Variants in NTN1 observed in about 807,000 individuals in gnomAD.
NTN1 encodes the protein netrin-1.
Under a neutral mutation model 54.2 loss-of-function variants are expected in NTN1, and 11 were observed. That is an observed-to-expected ratio of 0.20 (90% CI 0.13 to 0.34). The LOEUF is 0.34. NTN1 is among the 10% of genes least tolerant of loss of function. The probability of loss-of-function intolerance (pLI) is 1.00; values close to 1 mark genes in which losing one functional copy is unlikely to be tolerated. For missense variants in NTN1, 740 were observed against 893.1 expected (o/e 0.83, Z 2.18); for synonymous variants, 371 against 382.0 (o/e 0.97, Z 0.33).
intron 2 of NTN1, among the ~76,000 whole-genome samples, chr17:9,033,038 C>T (rs1268230362): frequency 6.6e-6 from 1 of 151,038 alleles, no homozygotes; most frequent in African/African-American, 2.4e-5. Flanking sequence ...ACTGCAACCT[C>T]TGTTTCCTGG....
intron 5 of NTN1, among the ~76,000 whole-genome samples, chr17:9,208,414 G>A (rs1905022562): frequency 6.6e-6 from 1 of 152,178 alleles, no homozygotes; most frequent in Non-Finnish European, 1.5e-5. Context: ...TGTCCAGAGT[G>A]TATGTGCCAG....
At chr17:9,201,285 C>G (rs1904778763) in intron 5 of NTN1, among the ~76,000 whole-genome samples, 1 of 152,200 alleles carries the variant, frequency 6.6e-6, no homozygotes, top group Non-Finnish European at 1.5e-5. Flanking sequence ...GCAGAAATCT[C>G]TGTGCTCTCC....
In NTN1 at chr17:9,070,033, G is replaced by A. The variant is rs1039507152; in HGVS notation, c.1018+46642G>A. Among the ~76,000 whole-genome samples the A allele has an allele frequency of 2.6e-5, 4 of 152,296 alleles. No individual in the cohort carries two copies. In the South Asian group the frequency reaches 6.2e-4, roughly 24 times the overall value. ...GTGGCTGGGGATGGTCCTGGCTGGA[G>A]CACATACCCGCCTTCTTCTTCGTAG... On this transcript the variant is annotated intron_variant, in intron 2 of 6. Transcript: ENST00000173229.
At chr17:9,117,797 A>G (rs2092219284) in intron 2 of NTN1, among the ~76,000 whole-genome samples, 1 of 144,892 alleles carries the variant, frequency 6.9e-6, no homozygotes, top group Non-Finnish European at 1.5e-5. Context: ...ACAAGCTTCC[A>G]TGTGCACGGC....
intron 2 of NTN1, among the ~76,000 whole-genome samples, chr17:9,126,664 A>G (rs1206997427): frequency 6.6e-6 from 1 of 152,028 alleles, no homozygotes; most frequent in Non-Finnish European, 1.5e-5. Context: ...AAGGTTCTGG[A>G]AAAATTAGGG....
the NTN1 span, among the ~76,000 whole-genome samples, chr17:9,014,118 G>C: frequency 1.3e-5 from 2 of 152,150 alleles, no homozygotes; most frequent in Admixed American, 6.5e-5. Context: ...GATAAACGAC[G>C]TTGGGGAAAT....
intron 3 of NTN1, chr17:9,174,763 C>G (rs778819584): frequency 2.6e-5 from 4 of 152,338 alleles, no homozygotes; most frequent in Non-Finnish European, 4.4e-5. Context: ...ATTAGAGTTT[C>G]CGCATCAGCA....
intron 2 of NTN1, among the ~76,000 whole-genome samples, chr17:9,105,728 C>T (rs1408742976): frequency 1.3e-4 from 19 of 151,912 alleles, no homozygotes; most frequent in Admixed American, 1.1e-3. Context: ...CTTGACCTCA[C>T]GCAGTTGGTA....
At chr17:9,189,564 C>T (rs1904395094) in intron 5 of NTN1, among the ~76,000 whole-genome samples, 3 of 152,040 alleles carry the variant, frequency 2.0e-5, no homozygotes, top group Admixed American at 1.3e-4. Flanking sequence ...GTTGGCCAGG[C>T]TGGTCTCGAA....
intron 5 of NTN1, chr17:9,183,571 C>T (rs1357426544): frequency 1.7e-5 from 5 of 298,528 alleles, no homozygotes; most frequent in East Asian, 1.2e-4. Flanking sequence ...TCATAAATAT[C>T]GTTCATGCTG....
In NTN1 at chr17:9,242,954, A is replaced by C. The variant is rs191516898; in HGVS notation, c.*2986A>C. On this transcript the variant is annotated 3_prime_UTR_variant, in exon 7 of 7. Transcript: ENST00000173229. The stretch of plus-strand genomic sequence containing the variant: ...ACGGAACTAGATTTTGATTTTGAAG[A>C]GTGTATTAACCAGAATTGTGCTATG... 5.3e-5 allele frequency: 8 copies of C among 152,284 alleles called. No individual in the cohort carries two copies. The highest frequency in any genetic ancestry group is 1.9e-4 in the African/African-American group (8 of 41,530). The allele number at this position is 152,284 out of a possible 1,614,324, so 9.4% of individuals were successfully genotyped here.
At position 9,162,885 on chromosome 17, in the gene NTN1, G is replaced by A; in HGVS notation, c.1091G>A (p.Ser364Asn). 7 of 1,614,098 alleles carry A rather than the reference G, an allele frequency of 4.3e-6. No individual in the cohort carries two copies. The highest frequency in any genetic ancestry group is 5.9e-6 in the Non-Finnish European group (7 of 1,180,012). The stretch of plus-strand genomic sequence containing the variant: ...CTCTACAAGCTTTCGGGGCGCAAGA[G>A]CGGAGGTGTCTGCCTCAACTGTCGC... The part of the protein sequence containing the change: ...MELYKLSGRK[S>N]GGVCLNCRHN... The change falls in exon 3 of 7, where the codon AGC (serine) becomes AAC (asparagine). Residue 364 changes from serine (S) to asparagine (N), a missense_variant. Physicochemically the swap from Ser to Asn is conservative, Grantham distance 46. Coordinates refer to ENST00000173229, the MANE Select transcript of NTN1 (RefSeq NM_004822.3).
intron 2 of NTN1, among the ~76,000 whole-genome samples, chr17:9,152,756 C>T (rs751968523): frequency 1.3e-5 from 2 of 152,174 alleles, no homozygotes; most frequent in Non-Finnish European, 2.9e-5. Context: ...CTTTTAGGGC[C>T]AGAAAATAAC....
At position 9,152,864 on chromosome 17, in the gene NTN1, G is replaced by A. The variant is rs144139212; in HGVS notation, c.1019-9949G>A. Among the ~76,000 whole-genome samples, 1,003 of 152,296 alleles carry A rather than the reference G, an allele frequency of 6.6e-3. 26 individuals are homozygous for A. The highest frequency in any genetic ancestry group is 0.044 in the Admixed American group (674 of 15,298). On this transcript the variant is annotated intron_variant, in intron 2 of 6. Coordinates refer to ENST00000173229, the MANE Select transcript of NTN1 (RefSeq NM_004822.3). ...TCCAGGTCACACACCTGGGGGAGTC[G>A]CGGAGCCGGAGCTAGAGTCCAGGCT...
rs558679892 is a variant in NTN1, at chr17:9,216,978, GT to G, written c.1412-4188del. Among the ~76,000 whole-genome samples the G allele has an allele frequency of 3.4e-3, 523 of 151,816 alleles. 3 individuals are homozygous for G. Among genetic ancestry groups the G allele is most frequent in the South Asian group, 8.3e-3 (40 of 4,800 alleles). On this transcript the variant is annotated intron_variant, in intron 5 of 6. Coordinates refer to ENST00000173229, the MANE Select transcript of NTN1 (RefSeq NM_004822.3). Reference sequence around the variant, plus strand: ...AATCGCTTGAACCCAGGAAGCGAAGGTTGCAGTGAGCCGAGATCATGCCATT... The same window carrying G: ...AATCGCTTGAACCCAGGAAGCGAAGGTGCAGTGAGCCGAGATCATGCCATT...
chr17:9,022,955 C>G lies in NTN1; in HGVS notation c.582C>G (p.Thr194=). 6.2e-7 allele frequency: 1 copy of G among 1,611,574 alleles called. No individual in the cohort carries two copies. Among genetic ancestry groups the G allele is most frequent in the Non-Finnish European group, 8.5e-7 (1 of 1,179,638 alleles). The part of the protein sequence containing the change: ...MYNRPHRAPI[T]KQNEQEAVCT... ...ACCGGCCGCACCGCGCGCCCATCAC[C>G]AAGCAGAACGAGCAGGAGGCCGTGT... Residue 194 remains threonine, a synonymous_variant, in exon 2 of 7, where the codon ACC becomes ACG. Transcript: ENST00000173229.
intron 2 of NTN1, among the ~76,000 whole-genome samples, chr17:9,088,678 G>A (rs549057492): frequency 1.3e-5 from 2 of 152,092 alleles, no homozygotes; most frequent in African/African-American, 2.4e-5. Flanking sequence ...GGATTTTTCC[G>A]CTTCAATTAT....
chr17:9,164,293 C>T (rs1196237837), intron 3 of NTN1, among the ~76,000 whole-genome samples: 4 of 152,096 alleles, frequency 2.6e-5, no homozygotes, highest in East Asian at 3.9e-4. Context: ...GGTGTGGTGG[C>T]GGTTGCCTGT....
chr17:9,147,814 C>G (rs1030245613), intron 2 of NTN1, among the ~76,000 whole-genome samples: 2 of 152,216 alleles, frequency 1.3e-5, no homozygotes, highest in African/African-American at 4.8e-5. Context: ...TTCATTAAAT[C>G]TCATAGACAC....
Sources: allele counts gnomAD v4.1 joint callset (sites outside exome capture counted in the v4.1 genomes callset), GRCh38; gene constraint gnomAD v4.1.1; transcripts MANE v1.5; gene names NCBI Gene and HGNC (gene_info 2026-07-23, HGNC 2026-07-21).